BDH2: variants seen among roughly 807,000 people sequenced by gnomAD.
BDH2 encodes dehydrogenase/reductase SDR family member 6.
Under a neutral mutation model 33.2 loss-of-function variants are expected in BDH2, and 24 were observed. The observed-to-expected ratio is 0.72, with a 90% CI of 0.52 to 1.02. BDH2 has a LOEUF of 1.02. Ranked by LOEUF, BDH2 falls within the 50% of genes least tolerant of loss-of-function variation. The pLI, the probability that BDH2 is intolerant of heterozygous loss-of-function variation, is 0.00. For synonymous variants in BDH2, 81 were observed against 101.6 expected, an observed-to-expected ratio of 0.80 and a Z score of 1.22; for missense variants, 249 against 301.6, an observed-to-expected ratio of 0.83 and a Z score of 1.29.
At chr4:103,082,795 G>T (rs1427546674) in intron 8 of BDH2, 76 bp downstream of exon 8, 2 of 1,283,660 alleles carry the variant, frequency 1.6e-6, no homozygotes, top group African/African-American at 2.9e-5. Context: ...CTGTCTCTAT[G>T]AATTTGTCTG....
At chr4:103,095,096 G>A (rs1198572443) in intron 3 of BDH2, 107 bp downstream of exon 3, 5 of 786,280 alleles carry the variant, frequency 6.4e-6, no homozygotes, top group Admixed American at 2.4e-5. Context: ...TAAAAAGCAC[G>A]GCAGTGGAGC....
At chr4:103,094,233 T>G (rs1263687976) in intron 3 of BDH2, among the ~76,000 whole-genome samples, 1 of 152,220 alleles carries the variant, frequency 6.6e-6, no homozygotes, top group African/African-American at 2.4e-5. Flanking sequence ...GCAGCTAGTC[T>G]GAAATGAAAT....
intron 4 of BDH2, chr4:103,091,681 G>C: frequency 4.4e-6 from 2 of 454,572 alleles, no homozygotes; most frequent in Non-Finnish European, 8.8e-6. Context: ...GGAGTTTTAG[G>C]ATGCAGTGAG....
At position 103,082,180 on chromosome 4, in the gene BDH2, C is replaced by T; in HGVS notation, c.592-7G>A. On this transcript the variant is annotated splice_polypyrimidine_tract_variant and splice_region_variant and intron_variant, in intron 8 of 9. Coordinates refer to ENST00000296424, the MANE Select transcript of BDH2 (RefSeq NM_020139.4). ...TCAGGAAATCATTCCGTGCCTGTGA[C>T]CAGAGACCATACCAGACATTAGTGA... The T allele has an allele frequency of 3.1e-6, 5 of 1,611,636 alleles. No individual in the cohort carries two copies. The highest frequency in any genetic ancestry group is 3.4e-6 in the Non-Finnish European group (4 of 1,177,792).
chr4:103,092,957 C>T (rs7690059), intron 3 of BDH2, among the ~76,000 whole-genome samples: 31,633 of 151,994 alleles, frequency 0.21, 3,461 homozygotes, highest in Middle Eastern at 0.32. Context: ...CCTTTCTGAG[C>T]AATGGCTTTA....
At chr4:103,092,333 C>A in intron 4 of BDH2, 1 of 397,380 alleles carries the variant, frequency 2.5e-6, no homozygotes, top group Non-Finnish European at 4.5e-6. Context: ...AATTTAACTT[C>A]CATACATTGT....
At chr4:103,085,293 G>T in intron 7 of BDH2, 56 bp downstream of exon 7, 2 of 1,351,064 alleles carry the variant, frequency 1.5e-6, no homozygotes, top group Non-Finnish European at 2.1e-6. Context: ...TAAGCAAATT[G>T]GGTGTGGAAG....
chr4:103,095,153 T>C (rs757943264), intron 3 of BDH2, 50 bp downstream of exon 3: 14 of 1,464,866 alleles, frequency 9.6e-6, no homozygotes, highest in Middle Eastern at 1.7e-4. Context: ...CCATGCTTTA[T>C]AATACCTTGC....
intron 3 of BDH2, 94 bp downstream of exon 3, chr4:103,095,109 A>T (rs1748323191): frequency 2.2e-6 from 2 of 928,808 alleles, no homozygotes; most frequent in Non-Finnish European, 3.4e-6. Context: ...AGTGGAGCTC[A>T]GTAGCTAGGG....
chr4:103,077,776 A>C lies in BDH2; in HGVS notation c.*1926T>G, dbSNP rs905030748. Among the ~76,000 whole-genome samples the C allele has an allele frequency of 1.3e-5, 2 of 152,236 alleles. No individual in the cohort carries two copies. The highest frequency in any genetic ancestry group is 1.5e-5 in the Non-Finnish European group (1 of 68,038). ...ACAGCATTTTGATTATGATACACGA[A>C]AAGAAACCCAAGTCATTTAGCTTAA... On this transcript the variant is annotated 3_prime_UTR_variant, in exon 10 of 10. Coordinates refer to ENST00000296424, the MANE Select transcript of BDH2 (RefSeq NM_020139.4).
At chr4:103,092,466 A>T in intron 4 of BDH2, 134 bp downstream of exon 4, 2 of 661,126 alleles carry the variant, frequency 3.0e-6, no homozygotes, top group African/African-American at 1.8e-5. Flanking sequence ...AATGCTGTGT[A>T]AAATCTAGCC....
intron 1 of BDH2, among the ~76,000 whole-genome samples, chr4:103,097,015 C>A (rs1231664514): frequency 6.6e-6 from 1 of 151,986 alleles, no homozygotes; most frequent in East Asian, 1.9e-4. Context: ...CTTCCATAAA[C>A]TTTTGTTGAG....
chr4:103,086,162 C>G, intron 6 of BDH2: 4 of 1,128,842 alleles, frequency 3.5e-6, no homozygotes, highest in Non-Finnish European at 4.4e-6. Flanking sequence ...AGAGCACATA[C>G]CGGTGCTCAA....
chr4:103,091,823 C>CA, intron 4 of BDH2: 1 of 446,948 alleles, frequency 2.2e-6, no homozygotes, highest in Middle Eastern at 3.3e-4. Flanking sequence ...ACAGTGCCCT[C>CA]AGGTGGCACA....
chr4:103,084,530 C>T (rs1307804671), intron 7 of BDH2, among the ~76,000 whole-genome samples: 1 of 152,190 alleles, frequency 6.6e-6, no homozygotes, highest in African/African-American at 2.4e-5. Flanking sequence ...CTGAAACAAC[C>T]ACATTTTCCA....
rs770927629 is a variant in BDH2 at position 103,082,118 on chromosome 4, T to A, written c.647A>T (p.Glu216Val). Residue 216 changes from glutamate to valine, a missense_variant, in exon 9 of 10, where the codon GAA becomes GTA. Transcript: ENST00000296424. Reference protein sequence around the residue: ...QKTGRFATAEEIAMLCVYLAS... With the variant: ...QKTGRFATAEVIAMLCVYLAS... ...CAAATACACGCAGAGCATGGCTATT[T>A]CTTCTGCAGTTGCGAATCTTCCCGT... The A allele has an allele frequency of 6.2e-7, 1 of 1,614,230 alleles. No individual in the cohort carries two copies. Among genetic ancestry groups the A allele is most frequent in the Admixed American group, 1.7e-5 (1 of 60,034 alleles).
chr4:103,094,336 CTT>C (rs758320672), intron 3 of BDH2, among the ~76,000 whole-genome samples: 4 of 152,130 alleles, frequency 2.6e-5, no homozygotes, highest in Non-Finnish European at 5.9e-5. Context: ...AGTTATAAGA[CTT>C]AATATACAGT....
chr4:103,095,152 A>C, intron 3 of BDH2, 51 bp downstream of exon 3: 1 of 1,460,156 alleles, frequency 6.8e-7, no homozygotes, highest in Non-Finnish European at 9.6e-7. Flanking sequence ...GCCATGCTTT[A>C]TAATACCTTG....
chr4:103,098,388 G>A (rs1748506810), intron 1 of BDH2, among the ~76,000 whole-genome samples: 1 of 152,202 alleles, frequency 6.6e-6, no homozygotes, highest in Admixed American at 6.5e-5. Flanking sequence ...ATTGTCTCAT[G>A]GTACTCAAAG....
Sources: gnomAD v4.1 joint callset for allele counts (sites outside exome capture counted in the v4.1 genomes callset) on GRCh38, gnomAD v4.1.1 for gene constraint, MANE v1.5 for transcripts, NCBI Gene and HGNC (gene_info 2026-07-23, HGNC 2026-07-21) for gene names.